Variants in MTERF4 observed in about 807,000 individuals in gnomAD.
MTERF4 encodes the protein mitochondrial transcription termination factor 4, also known as transcription termination factor 4, mitochondrial.
In MTERF4, 17 loss-of-function variants were observed where a neutral mutation model predicts 22.5. The ratio of observed to expected loss-of-function variants is 0.75; its 90% confidence interval spans 0.52 to 1.13. The LOEUF (loss-of-function observed/expected upper bound fraction) is 1.13. Among genes scored for constraint, MTERF4 ranks in the 50% most tolerant of loss-of-function variants. The pLI is 0.00. For synonymous variants in MTERF4, 165 were observed against 175.3 expected (o/e 0.94, Z 0.47); for missense variants, 420 against 466.8 (o/e 0.90, Z 0.92).
chr2:241,071,924 C>T (rs957106291), downstream of MTERF4: 8 of 1,431,704 alleles, frequency 5.6e-6, no homozygotes, highest in Non-Finnish European at 7.7e-6. Context: ...CCACCCTCGT[C>T]CTCACTGCCA....
chr2:241,049,220 A>T, the MTERF4 span: 1 of 1,022,244 alleles, frequency 9.8e-7, no homozygotes, highest in Non-Finnish European at 1.5e-6. Context: ...GGCAGAGGCC[A>T]GAGTCCCTAC....
At chr2:241,067,216 C>T (rs546882360), downstream of MTERF4, among the ~76,000 whole-genome samples, 15 of 152,332 alleles carry the variant, frequency 9.8e-5, no homozygotes, top group Middle Eastern at 3.4e-3. Flanking sequence ...GGGAGCTGAG[C>T]GCTGCCCTCT....
At chr2:241,061,864 AAAAG>A in the MTERF4 span, among the ~76,000 whole-genome samples, 2 of 152,016 alleles carry the variant, frequency 1.3e-5, no homozygotes, top group South Asian at 4.1e-4. Flanking sequence ...CAAAAAAAAA[AAAAG>A]AAAAAAAGAA....
downstream of MTERF4, chr2:241,092,643 C>T (rs962358742): frequency 6.6e-6 from 1 of 152,226 alleles, no homozygotes; most frequent in African/African-American, 2.4e-5. The surrounding 1 kb of genome is among the most constrained non-coding windows in gnomAD (Gnocchi z 4.6). Flanking sequence ...GGACGCCTTA[C>T]AAGTCTCAGT....
downstream of MTERF4, chr2:241,089,311 G>A: frequency 6.5e-7 from 1 of 1,550,318 alleles, no homozygotes; most frequent in Non-Finnish European, 8.7e-7. Context: ...GCAGATGAGT[G>A]AGGCACCCTT....
At chr2:241,067,564 G>T (rs183401076), downstream of MTERF4, among the ~76,000 whole-genome samples, 11 of 152,278 alleles carry the variant, frequency 7.2e-5, no homozygotes, top group East Asian at 1.9e-3. Context: ...GCTCACAGCG[G>T]GTTCTGCAGC....
chr2:241,063,307 G>A, the MTERF4 span: 120,766 of 518,424 alleles, frequency 0.23, 15,540 homozygotes, highest in Middle Eastern at 0.28. Flanking sequence ...AAGGCCCAGG[G>A]AGCCGTGCCC....
chr2:241,063,449 A>G, the MTERF4 span: 1 of 688,352 alleles, frequency 1.5e-6, no homozygotes, highest in East Asian at 2.7e-5. Flanking sequence ...CTGATGGAAG[A>G]AAAAGCACAT....
chr2:241,070,930 C>T (rs1353284808), downstream of MTERF4, among the ~76,000 whole-genome samples: 4 of 152,342 alleles, frequency 2.6e-5, no homozygotes, highest in South Asian at 2.1e-4. Flanking sequence ...CTCCCCAACC[C>T]GTGAGGCTGT....
At chr2:241,049,678 C>T in the MTERF4 span, 1 of 643,442 alleles carries the variant, frequency 1.6e-6, no homozygotes. Context: ...ATCAAGATGC[C>T]CACAGAGTGT....
At chr2:241,051,623 A>T in the MTERF4 span, 1 of 781,358 alleles carries the variant, frequency 1.3e-6, no homozygotes, top group Non-Finnish European at 1.9e-6. This position sits in a 1 kb window ranked among gnomAD's most constrained non-coding sequence, Gnocchi z 4.7. Context: ...GCCAGGCCCC[A>T]GGGCTTCGTC....
downstream of MTERF4, chr2:241,090,350 A>G (rs996475913): frequency 1.8e-5 from 28 of 1,550,022 alleles, no homozygotes; most frequent in Admixed American, 2.0e-4. Context: ...TGGAGCTGCC[A>G]CCTCCTGTGA....
At position 241,081,457 on chromosome 2, in the gene MTERF4, G is replaced by C. The variant is rs187686984; in HGVS notation, n.480-5775C>G. On this transcript the variant is annotated intron_variant and non_coding_transcript_variant, in intron 4 of 4. Transcript: ENST00000464344. Reference sequence around the variant, plus strand: ...TCCTTCCAGTAATGAGGTCAGGGCCGAGCACACTGCGGCCTGTCTCCTCAC... The same window carrying C: ...TCCTTCCAGTAATGAGGTCAGGGCCCAGCACACTGCGGCCTGTCTCCTCAC... Among the ~76,000 whole-genome samples the C allele has an allele frequency of 1.4e-3, 207 of 152,238 alleles. 1 individual carries two copies. Among genetic ancestry groups the C allele is most frequent in the African/African-American group, 4.5e-3 (185 of 41,552 alleles).
At chr2:241,049,109 G>A in the MTERF4 span, 1 of 1,611,888 alleles carries the variant, frequency 6.2e-7, no homozygotes, top group Admixed American at 1.7e-5. Flanking sequence ...CTCTGCGTCT[G>A]CCACACCGAC....
At chr2:241,064,016 G>A in the MTERF4 span, 4 of 1,552,502 alleles carry the variant, frequency 2.6e-6, no homozygotes, top group South Asian at 4.8e-5. The surrounding 1 kb of genome is among the most constrained non-coding windows in gnomAD (Gnocchi z 7.0). Flanking sequence ...CTCCAGAGGT[G>A]GACGCCTGCG....
chr2:241,070,537 C>A (rs1360478233), downstream of MTERF4, among the ~76,000 whole-genome samples: 1 of 152,216 alleles, frequency 6.6e-6, no homozygotes, highest in African/African-American at 2.4e-5. Context: ...CGGAAGTGGC[C>A]TGCATTGCAG....
the MTERF4 span, chr2:241,065,153 A>G: frequency 1.1e-6 from 1 of 869,702 alleles, no homozygotes; most frequent in East Asian, 2.7e-5. Context: ...TCCTGGAGGT[A>G]CGTGGCCAGG....
chr2:241,062,565 G>A, the MTERF4 span, among the ~76,000 whole-genome samples: 3 of 152,134 alleles, frequency 2.0e-5, no homozygotes, highest in African/African-American at 7.2e-5. Context: ...GGAGCCCTGG[G>A]GTGGTTTCAA....
the MTERF4 span, chr2:241,051,458 G>T: frequency 2.9e-6 from 1 of 344,906 alleles, no homozygotes; most frequent in Non-Finnish European, 5.2e-6. This position sits in a 1 kb window ranked among gnomAD's most constrained non-coding sequence, Gnocchi z 4.7. Flanking sequence ...TGTTGGGGCC[G>T]GTTCTCCACA....
Sources: gnomAD v4.1 joint callset for allele counts (sites outside exome capture counted in the v4.1 genomes callset) on GRCh38, gnomAD v4.1.1 for gene constraint, Gnocchi (gnomAD v3.1) non-coding constraint, MANE v1.5 for transcripts, NCBI Gene and HGNC (gene_info 2026-07-23, HGNC 2026-07-21) for gene names.